Variants in ZNF618 observed in about 807,000 individuals in gnomAD.
ZNF618 encodes zinc finger protein 618, also known as neural precursor cell expressed, developmentally down-regulated 10.
ZNF618 carries 34 observed loss-of-function variants against 103.0 expected under a neutral mutation model. The ratio of observed to expected loss-of-function variants is 0.33; its 90% confidence interval spans 0.25 to 0.44. The LOEUF is 0.44. ZNF618 is among the 20% of genes least tolerant of loss of function. The pLI is 1.00. For missense variants in ZNF618, 1,059 were observed against 1,295.4 expected (o/e 0.82, Z 2.80); for synonymous variants, 551 against 542.2 (o/e 1.02, Z -0.23).
intron 1 of ZNF618, among the ~76,000 whole-genome samples, chr9:113,882,925 C>T (rs1277517810): frequency 5.9e-5 from 9 of 152,208 alleles, no homozygotes; most frequent in Admixed American, 5.9e-4. Flanking sequence ...TCCCTCTGCC[C>T]CCATGGTACC....
chr9:113,925,255 C>G (rs1365221779), intron 1 of ZNF618, among the ~76,000 whole-genome samples: 1 of 151,934 alleles, frequency 6.6e-6, no homozygotes, highest in Non-Finnish European at 1.5e-5. Context: ...TGTAATGCCC[C>G]TCTTTATCCC....
chr9:113,894,220 A>G (rs374189046), intron 1 of ZNF618, among the ~76,000 whole-genome samples: 1 of 152,048 alleles, frequency 6.6e-6, no homozygotes, highest in African/African-American at 2.4e-5. Context: ...TCATCTTTCA[A>G]AATCTTAAAC....
At chr9:114,006,975 A>G (rs1400500207) in intron 6 of ZNF618, among the ~76,000 whole-genome samples, 1 of 152,166 alleles carries the variant, frequency 6.6e-6, no homozygotes, top group African/African-American at 2.4e-5. Context: ...TTGAGACAGA[A>G]GTCCCAGTCT....
intron 1 of ZNF618, among the ~76,000 whole-genome samples, chr9:113,926,965 A>G (rs1281796963): frequency 6.6e-6 from 1 of 152,216 alleles, no homozygotes; most frequent in Non-Finnish European, 1.5e-5. Flanking sequence ...ATGAGCTGAG[A>G]TCGCACCCCT....
chr9:113,909,028 T>C (rs1831253444), intron 1 of ZNF618, among the ~76,000 whole-genome samples: 1 of 151,822 alleles, frequency 6.6e-6, no homozygotes, highest in South Asian at 2.1e-4. Context: ...GTGAATCCCT[T>C]AGTGGCCAAG....
In ZNF618 at chr9:114,051,534, C is replaced by T. The variant is rs1227190407; in HGVS notation, c.*1367C>T. ...CGACTCCGAAGTCAGCCCATAGTCA[C>T]ATCCACCACACCTCAGACCTGCCAC... On this transcript the variant is annotated 3_prime_UTR_variant, in exon 15 of 15. Transcript: ENST00000374126. 2 of 153,586 alleles carry T rather than the reference C, an allele frequency of 1.3e-5. No individual in the cohort carries two copies. The highest frequency in any genetic ancestry group is 2.4e-5 in the African/African-American group (1 of 41,464). 9.5% of individuals were successfully genotyped at this position (153,586 alleles called of 1,614,324 possible).
intron 1 of ZNF618, among the ~76,000 whole-genome samples, chr9:113,912,850 C>T (rs891291716): frequency 4.6e-5 from 7 of 152,128 alleles, no homozygotes; most frequent in African/African-American, 1.4e-4. Flanking sequence ...GATGGACCAG[C>T]GCTTTAACAT....
At chr9:113,969,199 G>A (rs758238131) in intron 2 of ZNF618, 39 bp downstream of exon 2, 8 of 1,613,302 alleles carry the variant, frequency 5.0e-6, no homozygotes, top group East Asian at 2.2e-5. Flanking sequence ...TCCACCCATC[G>A]ACTCAGGTCT....
At chr9:113,988,761 C>G (rs367668598) in intron 3 of ZNF618, among the ~76,000 whole-genome samples, 181 bp downstream of exon 3, 1 of 152,216 alleles carries the variant, frequency 6.6e-6, no homozygotes, top group Non-Finnish European at 1.5e-5. Context: ...GTGCAGTTTC[C>G]GGCTGGAGAG....
intron 1 of ZNF618, among the ~76,000 whole-genome samples, chr9:113,909,033 G>A (rs1564157304): frequency 6.6e-6 from 1 of 151,904 alleles, no homozygotes; most frequent in African/African-American, 2.4e-5. Flanking sequence ...TCCCTTAGTG[G>A]CCAAGTCATT....
At chr9:113,910,435 G>C (rs992066841) in intron 1 of ZNF618, among the ~76,000 whole-genome samples, 1 of 152,152 alleles carries the variant, frequency 6.6e-6, no homozygotes, top group Non-Finnish European at 1.5e-5. Context: ...ATCAGCTTCC[G>C]GGGCTTAGAA....
chr9:113,959,769 G>A (rs780229401), intron 1 of ZNF618, among the ~76,000 whole-genome samples: 3 of 152,132 alleles, frequency 2.0e-5, no homozygotes, highest in Non-Finnish European at 4.4e-5. Context: ...CACCATGCCT[G>A]GCTAATTTTT....
At chr9:114,027,863 T>C (rs7025778) in intron 10 of ZNF618, 152,744 of 152,796 alleles carry the variant, frequency 1, 76,346 homozygotes, top group Middle Eastern at 1. Flanking sequence ...AAAGGGCCCC[T>C]GCTTCCTCTT....
chr9:114,041,214 G>A (rs1440365091), intron 13 of ZNF618, among the ~76,000 whole-genome samples: 1 of 150,710 alleles, frequency 6.6e-6, no homozygotes, highest in Non-Finnish European at 1.5e-5. Flanking sequence ...GTTCTTTGTA[G>A]ATTCTGGATA....
intron 14 of ZNF618, among the ~76,000 whole-genome samples, 183 bp from the exon 15 acceptor site, chr9:114,048,468 A>G (rs1845853282): frequency 1.3e-5 from 2 of 152,218 alleles, no homozygotes; most frequent in Admixed American, 6.5e-5. Context: ...TTACTAATCA[A>G]TCATAGAACT....
chr9:113,955,528 T>A (rs1836199074), intron 1 of ZNF618, among the ~76,000 whole-genome samples: 1 of 152,180 alleles, frequency 6.6e-6, no homozygotes, highest in Non-Finnish European at 1.5e-5. Flanking sequence ...CATGCAGTTG[T>A]TCTCCCCCTC....
intron 2 of ZNF618, among the ~76,000 whole-genome samples, chr9:113,985,100 G>A (rs1037477552): frequency 9.2e-5 from 14 of 152,234 alleles, no homozygotes; most frequent in Admixed American, 2.6e-4. Context: ...TAGGTCCTAC[G>A]TAGACATTAC....
intron 1 of ZNF618, among the ~76,000 whole-genome samples, chr9:113,951,512 T>A: frequency 7.8e-6 from 1 of 128,628 alleles, no homozygotes; most frequent in Non-Finnish European, 1.6e-5. Context: ...CACATATATG[T>A]GTGTATATGT....
rs1733420372 is a variant in ZNF618, at chr9:113,966,830, C to G, written c.34-2287C>G. ...TGCCCCAGTTTCCCAGCAGCACCAC[C>G]TGAGTCTCTGCAAAAGTATTTGACA... On this transcript the variant is annotated intron_variant, in intron 1 of 14. Coordinates refer to ENST00000374126, the MANE Select transcript of ZNF618 (RefSeq NM_001318042.2). Among the ~76,000 whole-genome samples, 2 of 152,226 alleles carry G rather than the reference C, an allele frequency of 1.3e-5. 1 individual carries two copies. The highest frequency in any genetic ancestry group is 4.1e-4 in the South Asian group (2 of 4,830).
Sources: allele counts gnomAD v4.1 joint callset (sites outside exome capture counted in the v4.1 genomes callset), GRCh38; gene constraint gnomAD v4.1.1; transcripts MANE v1.5; gene names NCBI Gene and HGNC (gene_info 2026-07-23, HGNC 2026-07-21).